WARS2: variants seen among roughly 807,000 people sequenced by gnomAD.
WARS2 encodes the protein tryptophan--tRNA ligase, mitochondrial.
WARS2 carries 28 observed loss-of-function variants against 36.5 expected under a neutral mutation model. That is an observed-to-expected ratio of 0.77 (90% CI 0.57 to 1.05). The LOEUF (loss-of-function observed/expected upper bound fraction) is 1.05. WARS2 is among the 50% of genes least tolerant of loss of function. The pLI is 0.00. For synonymous variants in WARS2, 174 were observed against 178.4 expected (o/e 0.98, Z 0.20); for missense variants, 435 against 456.8 (o/e 0.95, Z 0.44).
rs59753812 is a variant in WARS2, at chr1:119,077,137, C to CAAAAAAAAAA, written c.91-540_91-531dup. Among the ~76,000 whole-genome samples, 53 of 96,884 alleles carry CAAAAAAAAAA rather than the reference C, an allele frequency of 5.5e-4. 11 individuals are homozygous for CAAAAAAAAAA. Among genetic ancestry groups the CAAAAAAAAAA allele is most frequent in the Middle Eastern group, 0.011 (2 of 180 alleles). The allele number at this position is 96,884 out of a possible 152,430, so 63.6% of individuals were successfully genotyped here. A position where few individuals can be genotyped will look rare whatever the true frequency, so the allele number is the denominator to read the frequency against. On this transcript the variant is annotated intron_variant, in intron 1 of 5. Transcript: ENST00000235521. ...TAGGCAACAGAGCGAGACCCCGTCT[C>CAAAAAAAAAA]AAAAAAAAAAAGGAAAAGATCTGCA...
chr1:119,115,451 A>G lies in WARS2; in HGVS notation c.90+25104T>C, dbSNP rs1049640810. Among the ~76,000 whole-genome samples, 27 of 152,310 alleles carry G rather than the reference A, an allele frequency of 1.8e-4. 1 individual carries two copies. The highest frequency in any genetic ancestry group is 6.0e-4 in the African/African-American group (25 of 41,590). On this transcript the variant is annotated intron_variant, in intron 1 of 5. Coordinates refer to ENST00000235521, the MANE Select transcript of WARS2 (RefSeq NM_015836.4). ...TGCCTGTGATCATTAGACAGACTGG[A>G]CCAAGTGCCTCAAGCCTTTGATGCC...
chr1:119,120,312 A>G (rs978289447), intron 1 of WARS2, among the ~76,000 whole-genome samples: 6 of 152,096 alleles, frequency 3.9e-5, no homozygotes, highest in Non-Finnish European at 8.8e-5. Flanking sequence ...GAGGAGATGG[A>G]TAAATTCCTG....
At chr1:119,086,730 G>A (rs1170109601) in intron 1 of WARS2, among the ~76,000 whole-genome samples, 1 of 152,140 alleles carries the variant, frequency 6.6e-6, no homozygotes, top group Non-Finnish European at 1.5e-5. Flanking sequence ...ATGGGATAGA[G>A]GTGCAAATAT....
intron 1 of WARS2, among the ~76,000 whole-genome samples, chr1:119,103,894 G>T (rs1286341741): frequency 6.6e-6 from 1 of 150,414 alleles, no homozygotes; most frequent in Non-Finnish European, 1.5e-5. Flanking sequence ...AGAAAAAATA[G>T]ATTTCTTTTA....
intron 5 of WARS2, among the ~76,000 whole-genome samples, chr1:119,033,602 T>C (rs1005638937): frequency 6.6e-5 from 10 of 152,242 alleles, no homozygotes; most frequent in African/African-American, 2.4e-4. Context: ...TACTTTATTA[T>C]AAAATAGGCT....
In WARS2 at chr1:119,076,571, G is replaced by T; in HGVS notation, c.127C>A (p.Pro43Thr). Residue 43 changes from proline to threonine, a missense_variant, in exon 2 of 6, where the codon CCT becomes ACT. Transcript: ENST00000235521. ...TTGCCCAGGTGGAGGATTCCTGTAG[G>T]TTGAATGCCGGAAAATACTCGCTTC... ...SKKRVFSGIQ[P>T]TGILHLGNYL... The T allele has an allele frequency of 6.2e-7, 1 of 1,614,134 alleles. No individual in the cohort carries two copies. The highest frequency in any genetic ancestry group is 8.5e-7 in the Non-Finnish European group (1 of 1,180,022).
chr1:119,087,598 G>C (rs932642353), intron 1 of WARS2, among the ~76,000 whole-genome samples: 1 of 152,162 alleles, frequency 6.6e-6, no homozygotes, highest in African/African-American at 2.4e-5. Context: ...AGTGGAATCC[G>C]AGGTCCATTT....
At chr1:119,036,539 G>T (rs186100928) in intron 4 of WARS2, among the ~76,000 whole-genome samples, 10 of 152,296 alleles carry the variant, frequency 6.6e-5, no homozygotes, top group Non-Finnish European at 1.3e-4. Flanking sequence ...CAACAGAGCA[G>T]ATTAGAAAGC....
At chr1:119,140,531 G>C in intron 1 of WARS2, 24 bp downstream of exon 1, 1 of 1,607,834 alleles carries the variant, frequency 6.2e-7, no homozygotes, top group South Asian at 1.1e-5. Flanking sequence ...GGAAGCCGCG[G>C]AGGGAAGGGC....
chr1:119,081,722 T>A (rs78582287), intron 1 of WARS2, among the ~76,000 whole-genome samples: 3 of 152,346 alleles, frequency 2.0e-5, no homozygotes, highest in African/African-American at 7.2e-5. Flanking sequence ...AATTCTATCA[T>A]CTACATTGCC....
At chr1:119,077,991 T>C (rs967708842) in intron 1 of WARS2, among the ~76,000 whole-genome samples, 2 of 152,350 alleles carry the variant, frequency 1.3e-5, no homozygotes, top group South Asian at 2.1e-4. Flanking sequence ...GCTTTACATA[T>C]ATTAATGCAT....
intron 2 of WARS2, among the ~76,000 whole-genome samples, chr1:119,058,655 T>C (rs1650077562): frequency 8.0e-6 from 1 of 125,156 alleles, no homozygotes; most frequent in South Asian, 2.5e-4. Flanking sequence ...TTTTTATGGC[T>C]GCATAGGATT....
Position 119,085,887 on chromosome 1 carries a change from G to C in WARS2, c.91-9280C>G, listed in dbSNP as rs112096199. ...CTCGGAGTGCCAGGACACCTTATCG[G>C]CCACCCCAAGCTGGACCTCTCGCTC... On this transcript the variant is annotated intron_variant, in intron 1 of 5. Coordinates refer to ENST00000235521, the MANE Select transcript of WARS2 (RefSeq NM_015836.4). 2.1e-3 allele frequency: 3,331 copies of C among 1,610,324 alleles called. 60 individuals carry two copies. The African/African-American group carries it at 0.038, about 19-fold the overall frequency.
rs1227265045 is a variant in WARS2 at position 119,059,531 on chromosome 1, GT to G, written c.349-13870del. ...TTTCAGCTTTCTACATTTCTTTTCA[GT>G]GACCTGTAAGTCTATGTCCATACCA... is the stretch of plus-strand genomic sequence containing the variant. On this transcript the variant is annotated intron_variant, in intron 2 of 5. Transcript: ENST00000235521. 4.6e-5 allele frequency among the ~76,000 whole-genome samples: 7 copies of G among 152,130 alleles called. No individual in the cohort carries two copies. The East Asian group carries it at 1.3e-3, about 29-fold the overall frequency.
intron 2 of WARS2, among the ~76,000 whole-genome samples, chr1:119,057,138 C>T (rs1397603280): frequency 1.3e-5 from 2 of 151,814 alleles, no homozygotes; most frequent in African/African-American, 4.8e-5. Context: ...TGCTTATTAG[C>T]CATTTGTTAT....
chr1:119,116,526 T>C (rs1424169527), intron 1 of WARS2, among the ~76,000 whole-genome samples: 1 of 152,090 alleles, frequency 6.6e-6, no homozygotes, highest in Non-Finnish European at 1.5e-5. Flanking sequence ...GGCTTTCTGC[T>C]GCAAATGCCA....
intron 1 of WARS2, chr1:119,085,925 G>C (rs1652621908): frequency 3.1e-6 from 5 of 1,610,488 alleles, no homozygotes; most frequent in Non-Finnish European, 4.2e-6. Flanking sequence ...TCAGCTCATT[G>C]ATCAGCTTCA....
intron 2 of WARS2, among the ~76,000 whole-genome samples, chr1:119,049,058 C>A (rs553079083): frequency 6.6e-6 from 1 of 152,038 alleles, no homozygotes; most frequent in East Asian, 1.9e-4. Context: ...GGCAACGGAG[C>A]GAGACTCTGT....
chr1:119,138,383 A>G (rs1205173366), intron 1 of WARS2, among the ~76,000 whole-genome samples: 1 of 152,198 alleles, frequency 6.6e-6, no homozygotes, highest in Non-Finnish European at 1.5e-5. Flanking sequence ...ATCCTAAAAT[A>G]TCACAAATGA....
Sources: allele counts gnomAD v4.1 joint callset (sites outside exome capture counted in the v4.1 genomes callset), GRCh38; gene constraint gnomAD v4.1.1; transcripts MANE v1.5; gene names NCBI Gene and HGNC (gene_info 2026-07-23, HGNC 2026-07-21).